Variants in BUB3 observed in about 807,000 individuals in gnomAD.
BUB3 encodes the protein mitotic checkpoint protein BUB3.
Under a neutral mutation model 39.9 loss-of-function variants are expected in BUB3, and 22 were observed. The observed-to-expected ratio is 0.55, with a 90% confidence interval of 0.39 to 0.79. BUB3 has a LOEUF of 0.79. BUB3 is among the 30% of genes least tolerant of loss of function. The probability of loss-of-function intolerance (pLI) is 0.00; values close to 1 mark genes in which losing one functional copy is unlikely to be tolerated. For missense variants in BUB3, 303 were observed against 415.4 expected, an observed-to-expected ratio of 0.73 and a Z score of 2.35; for synonymous variants, 168 against 155.1, an observed-to-expected ratio of 1.08 and a Z score of -0.62.
At position 123,166,129 on chromosome 10, in the gene BUB3, G is replaced by A. The variant is rs1844489926; in HGVS notation, c.*2294G>A. Reference sequence around the variant, plus strand: ...CACAATTTACTTGTTTATGGTTATAGCTACCTTTTCCCCAAGTTACCCAGG... The same window carrying A: ...CACAATTTACTTGTTTATGGTTATAACTACCTTTTCCCCAAGTTACCCAGG... On this transcript the variant is annotated 3_prime_UTR_variant, in exon 8 of 8. Transcript: ENST00000368865. The A allele has an allele frequency of 6.6e-6, 1 of 152,064 alleles. No individual in the cohort carries two copies. The highest frequency in any genetic ancestry group is 1.5e-5 in the Non-Finnish European group (1 of 68,022). The allele number at this position is 152,064 out of a possible 1,614,324, so 9.4% of individuals were successfully genotyped here.
Position 123,169,375 on chromosome 10 carries a change from A to G in BUB3, c.*5540A>G, listed in dbSNP as rs944129945. The G allele has an allele frequency of 6.6e-6, 1 of 152,248 alleles. No individual in the cohort carries two copies. Among genetic ancestry groups the G allele is most frequent in the African/African-American group, 2.4e-5 (1 of 41,464 alleles). 9.4% of individuals were successfully genotyped at this position (152,248 alleles called of 1,614,324 possible). ...TTAGAATTTGATTATTTGAGCAACTATTTAGTGCCTGTGATGTGCCAGCCA... is the reference window on the plus strand; with the variant it reads ...TTAGAATTTGATTATTTGAGCAACTGTTTAGTGCCTGTGATGTGCCAGCCA... On this transcript the variant is annotated 3_prime_UTR_variant, in exon 8 of 8. Coordinates refer to ENST00000368865, the MANE Select transcript of BUB3 (RefSeq NM_004725.4).
At chr10:123,160,100 G>A (rs971845563) in intron 4 of BUB3, among the ~76,000 whole-genome samples, 3 of 151,946 alleles carry the variant, frequency 2.0e-5, no homozygotes, top group African/African-American at 4.8e-5. Flanking sequence ...GAAACATGAA[G>A]GCTAGGAAAA....
intron 1 of BUB3, 146 bp from the exon 2 acceptor site, chr10:123,154,772 G>A: frequency 1.2e-6 from 1 of 845,080 alleles, no homozygotes; most frequent in South Asian, 1.8e-5. Flanking sequence ...ACCTTGGCGG[G>A]CGAGTGCTCG....
At position 123,164,720 on chromosome 10, in the gene BUB3, C is replaced by T. The variant is rs1254071982; in HGVS notation, c.*885C>T. ...CTTATGTCCATTTCAGTTGACCAGC[C>T]GCTGGTGATTAAAGTTAAAAAGAAA... On this transcript the variant is annotated 3_prime_UTR_variant, in exon 8 of 8. Coordinates refer to ENST00000368865, the MANE Select transcript of BUB3 (RefSeq NM_004725.4). 1.0e-5 allele frequency: 11 copies of T among 1,062,470 alleles called. No individual in the cohort carries two copies. Among genetic ancestry groups the T allele is most frequent in the African/African-American group, 1.7e-5 (1 of 60,090 alleles). 65.8% of individuals were successfully genotyped at this position (1,062,470 alleles called of 1,614,324 possible).
rs960912059 is a variant in BUB3, at chr10:123,166,613, G to C, written c.*2778G>C. On this transcript the variant is annotated 3_prime_UTR_variant, in exon 8 of 8. Coordinates refer to ENST00000368865, the MANE Select transcript of BUB3 (RefSeq NM_004725.4). Reference sequence around the variant, plus strand: ...AAAAATGTATTCTGATGTCATACTTGGAATCCTCCACTGCTTCCTGTTGCT... The same window carrying C: ...AAAAATGTATTCTGATGTCATACTTCGAATCCTCCACTGCTTCCTGTTGCT... 6.6e-6 allele frequency: 1 copy of C among 152,128 alleles called. No individual in the cohort carries two copies. Among genetic ancestry groups the C allele is most frequent in the East Asian group, 1.9e-4 (1 of 5,194 alleles). 9.4% of individuals were successfully genotyped at this position (152,128 alleles called of 1,614,324 possible).
At position 123,169,833 on chromosome 10, in the gene BUB3, A is replaced by AG. The variant is rs1388033267; in HGVS notation, c.*6003dup. 2.0e-5 allele frequency: 3 copies of AG among 152,306 alleles called. No individual in the cohort carries two copies. The highest frequency in any genetic ancestry group is 3.4e-3 in the Middle Eastern group (1 of 294). The allele number at this position is 152,306 out of a possible 1,614,324, so 9.4% of individuals were successfully genotyped here. ...TGAATCCTGACTTTACTGCTTATTC[A>AG]GGGGGCCACTAGCTAAGTTAATTTG... On this transcript the variant is annotated 3_prime_UTR_variant, in exon 8 of 8. Coordinates refer to ENST00000368865, the MANE Select transcript of BUB3 (RefSeq NM_004725.4).
Position 123,164,469 on chromosome 10 carries a change from G to A in BUB3, c.*634G>A. On this transcript the variant is annotated 3_prime_UTR_variant, in exon 8 of 8. Coordinates refer to ENST00000368865, the MANE Select transcript of BUB3 (RefSeq NM_004725.4). ...AGAAAACCTCCTAATATCATTTTGT[G>A]ACTGTAAACAATTATTTATTAGCAA... 1.0e-6 allele frequency: 1 copy of A among 985,682 alleles called. No homozygotes were observed. The highest frequency in any genetic ancestry group is 1.2e-6 in the Non-Finnish European group (1 of 830,142). The allele number at this position is 985,682 out of a possible 1,614,324, so 61.1% of individuals were successfully genotyped here.
rs1844518458 is a variant in BUB3, at chr10:123,168,723, T to A, written c.*4888T>A. On this transcript the variant is annotated 3_prime_UTR_variant, in exon 8 of 8. Transcript: ENST00000368865. ...CGCCATCACGCCCGGCTAATTTTTGTATTTCTTTTAGTAGAGACCGGGTTT... is the reference window on the plus strand; with the variant it reads ...CGCCATCACGCCCGGCTAATTTTTGAATTTCTTTTAGTAGAGACCGGGTTT... 1 of 152,172 alleles carries A rather than the reference T, an allele frequency of 6.6e-6. No homozygotes were observed. Among genetic ancestry groups the A allele is most frequent in the Non-Finnish European group, 1.5e-5 (1 of 68,032 alleles). 9.4% of individuals were successfully genotyped at this position (152,172 alleles called of 1,614,324 possible).
At position 123,165,843 on chromosome 10, in the gene BUB3, T is replaced by C. The variant is rs1844485919; in HGVS notation, c.*2008T>C. 6.6e-6 allele frequency: 1 copy of C among 152,226 alleles called. No homozygotes were observed. Among genetic ancestry groups the C allele is most frequent in the African/African-American group, 2.4e-5 (1 of 41,460 alleles). 9.4% of individuals were successfully genotyped at this position (152,226 alleles called of 1,614,324 possible). On this transcript the variant is annotated 3_prime_UTR_variant, in exon 8 of 8. Coordinates refer to ENST00000368865, the MANE Select transcript of BUB3 (RefSeq NM_004725.4). ...GGTAAATAATGTAATAGCCAGGGAC[T>C]GATGGTATTAGTTCTTTAGTGTGAT...
At chr10:123,163,629 C>G (rs558835956) in intron 7 of BUB3, among the ~76,000 whole-genome samples, 191 bp from the exon 8 acceptor site, 1 of 152,300 alleles carries the variant, frequency 6.6e-6, no homozygotes, top group South Asian at 2.1e-4. Context: ...TGGTTGAGCC[C>G]CTAAGAGGGG....
intron 3 of BUB3, 48 bp from the exon 4 acceptor site, chr10:123,157,681 G>C (rs746428257): frequency 6.6e-7 from 1 of 1,511,728 alleles, no homozygotes. Context: ...TTTAGTAAAG[G>C]TAGTAAGCTA....
At chr10:123,162,475 G>A in intron 6 of BUB3, 62 bp downstream of exon 6, 1 of 1,577,076 alleles carries the variant, frequency 6.3e-7, no homozygotes, top group Admixed American at 1.9e-5. Flanking sequence ...GCTTTTTATG[G>A]TATTTAGTGA....
At chr10:123,162,906 A>G in intron 7 of BUB3, 78 bp downstream of exon 7, 2 of 1,354,492 alleles carry the variant, frequency 1.5e-6, no homozygotes, top group Non-Finnish European at 2.1e-6. Context: ...ATTCATGAAT[A>G]GCATTGTTGA....
chr10:123,155,304 C>T (rs1343382771), intron 2 of BUB3, among the ~76,000 whole-genome samples, 192 bp downstream of exon 2: 2 of 152,184 alleles, frequency 1.3e-5, no homozygotes, highest in Non-Finnish European at 2.9e-5. Flanking sequence ...TTGGAAACTC[C>T]GTCTCCCCTT....
At chr10:123,160,348 C>CA (rs760593974) in intron 4 of BUB3, 59 bp from the exon 5 acceptor site, 24 of 1,419,720 alleles carry the variant, frequency 1.7e-5, no homozygotes, top group Non-Finnish European at 2.1e-5. Context: ...TATTTTGGGG[C>CA]AAAATGCCAT....
intron 7 of BUB3, among the ~76,000 whole-genome samples, chr10:123,163,462 A>G (rs940158078): frequency 1.3e-5 from 2 of 152,232 alleles, no homozygotes; most frequent in African/African-American, 4.8e-5. Context: ...AGCATGTGTT[A>G]AACTATAAAA....
In BUB3 at chr10:123,154,987, C is replaced by T. The variant is rs755166457; in HGVS notation, c.70C>T (p.Pro24Ser). The T allele has an allele frequency of 6.2e-7, 1 of 1,614,124 alleles. No homozygotes were observed. Among genetic ancestry groups the T allele is most frequent in the Admixed American group, 1.7e-5 (1 of 60,024 alleles). The change falls in exon 2 of 8, where the codon CCC becomes TCC. Residue 24 changes from proline (P) to serine (S), a missense_variant. Pro to Ser is a moderately conservative substitution (Grantham distance 74). Transcript: ENST00000368865. Reference sequence around the variant, plus strand: ...TGGCATCTCCTCCGTGAAGTTCAGCCCCAACACCTCCCAGTTCCTGCTTGT... The same window carrying T: ...TGGCATCTCCTCCGTGAAGTTCAGCTCCAACACCTCCCAGTTCCTGCTTGT... The part of the protein sequence containing the change: ...EDGISSVKFS[P>S]NTSQFLLVSS...
At chr10:123,161,690 T>G (rs1844425839) in intron 5 of BUB3, among the ~76,000 whole-genome samples, 3 of 152,290 alleles carry the variant, frequency 2.0e-5, no homozygotes, top group South Asian at 4.1e-4. Flanking sequence ...CAACGAAAGA[T>G]GAAAAAACGT....
At chr10:123,154,749 GGGGCGAGTCCGGACCTTGGC>G (rs1390293268) in intron 1 of BUB3, 149 bp from the exon 2 acceptor site, 1 of 692,664 alleles carries the variant, frequency 1.4e-6, no homozygotes, top group Non-Finnish European at 2.3e-6. Context: ...GCCGGATGAT[GGGGCGAGTCCGGACCTTGGC>G]GGGCGAGTGC....
Sources: gnomAD v4.1 joint callset for allele counts (sites outside exome capture counted in the v4.1 genomes callset) on GRCh38, gnomAD v4.1.1 for gene constraint, MANE v1.5 for transcripts, NCBI Gene and HGNC (gene_info 2026-07-23, HGNC 2026-07-21) for gene names.